PIK3R5: variants seen among roughly 807,000 people sequenced by gnomAD.
The protein encoded by PIK3R5 is phosphoinositide 3-kinase regulatory subunit 5.
Under a neutral mutation model 94.9 loss-of-function variants are expected in PIK3R5, and 32 were observed. The ratio of observed to expected loss-of-function variants is 0.34; its 90% CI spans 0.25 to 0.45. PIK3R5 has a LOEUF of 0.45. PIK3R5 is among the 20% of genes least tolerant of loss of function. The pLI, the probability that PIK3R5 is intolerant of heterozygous loss-of-function variation, is 1.00. For synonymous variants in PIK3R5, 443 were observed against 479.4 expected (o/e 0.92, Z 0.99); for missense variants, 853 against 1,144.6 (o/e 0.75, Z 3.68).
chr17:8,926,285 A>C (rs2090882744), intron 1 of PIK3R5, among the ~76,000 whole-genome samples: 1 of 152,170 alleles, frequency 6.6e-6, no homozygotes, highest in Admixed American at 6.5e-5. Context: ...GAAGTGACAG[A>C]GAGGCAACTG....
intron 3 of PIK3R5, among the ~76,000 whole-genome samples, chr17:8,908,149 T>C (rs2090435291): frequency 6.6e-6 from 1 of 152,186 alleles, no homozygotes. Context: ...TCTCGGTCCA[T>C]TTTGGAACTC....
rs1273569046 is a variant in PIK3R5 at position 8,880,097 on chromosome 17, TGC to T, written c.*540_*541del. On this transcript the variant is annotated 3_prime_UTR_variant, in exon 19 of 19. Coordinates refer to ENST00000447110, the MANE Select transcript of PIK3R5 (RefSeq NM_001142633.3). ...TTATTGAGGTGTGTGCGTGTGTGTG[TGC>T]GCATGTGCGTACATGCATGCCATGT... The T allele has an allele frequency of 2.0e-5, 3 of 152,550 alleles. No individual in the cohort carries two copies. Among genetic ancestry groups the T allele is most frequent in the Non-Finnish European group, 4.4e-5 (3 of 68,228 alleles). The allele number at this position is 152,550 out of a possible 1,614,324, so 9.4% of individuals were successfully genotyped here.
intron 5 of PIK3R5, among the ~76,000 whole-genome samples, chr17:8,899,930 C>T (rs547101137): frequency 2.6e-5 from 4 of 151,910 alleles, no homozygotes; most frequent in South Asian, 2.1e-4. Flanking sequence ...CCCAGCTACT[C>T]GGGAAGCTGA....
At chr17:8,930,651 G>T (rs1177675625) in intron 1 of PIK3R5, among the ~76,000 whole-genome samples, 1 of 152,216 alleles carries the variant, frequency 6.6e-6, no homozygotes, top group Non-Finnish European at 1.5e-5. Context: ...TGGTTCGACA[G>T]ACTATGGTCC....
At chr17:8,903,207 T>C (rs1349948643) in intron 5 of PIK3R5, among the ~76,000 whole-genome samples, 1 of 152,186 alleles carries the variant, frequency 6.6e-6, no homozygotes, top group Non-Finnish European at 1.5e-5. Context: ...ATATCATCTA[T>C]GAAATGACTG....
chr17:8,940,925 C>T (rs1332323039), intron 1 of PIK3R5, among the ~76,000 whole-genome samples: 1 of 152,286 alleles, frequency 6.6e-6, no homozygotes, highest in East Asian at 1.9e-4. Flanking sequence ...AGTGTGGACC[C>T]AGACCTCCTC....
chr17:8,946,438 G>A (rs192384128), intron 1 of PIK3R5, among the ~76,000 whole-genome samples: 8 of 151,828 alleles, frequency 5.3e-5, no homozygotes, highest in East Asian at 1.9e-4. Context: ...AGGAGATGGC[G>A]CCGTCTGCCA....
rs1185052773 is a variant in PIK3R5, at chr17:8,887,689, A to G, written c.1617-6T>C. On this transcript the variant is annotated splice_region_variant and splice_polypyrimidine_tract_variant and intron_variant, in intron 10 of 18. Coordinates refer to ENST00000447110, the MANE Select transcript of PIK3R5 (RefSeq NM_001142633.3). ...GGCGATTGTTCTCCAGCCGCCTGGC[A>G]AGAAGAAGATGGTGAGAAGGGGAAT... 1 of 1,586,170 alleles carries G rather than the reference A, an allele frequency of 6.3e-7. No homozygotes were observed. Among genetic ancestry groups the G allele is most frequent in the South Asian group, 1.1e-5 (1 of 87,282 alleles).
In PIK3R5 at chr17:8,884,320, A is replaced by G. The variant is rs181083824; in HGVS notation, c.2205+387T>C. 8.6e-5 allele frequency among the ~76,000 whole-genome samples: 13 copies of G among 151,554 alleles called. No individual in the cohort carries two copies. The highest frequency in any genetic ancestry group is 1.5e-4 in the African/African-American group (6 of 41,310). On this transcript the variant is annotated intron_variant, in intron 15 of 18. Coordinates refer to ENST00000447110, the MANE Select transcript of PIK3R5 (RefSeq NM_001142633.3). This position sits in a 1 kb window ranked among gnomAD's most constrained non-coding sequence, Gnocchi z 5.8. ...CTCTCCTCACTCCTTTCTCACGCCA[A>G]TCCCATCTTGCATGCAGCCTGCCAG...
At chr17:8,901,627 C>G (rs1402833300) in intron 5 of PIK3R5, among the ~76,000 whole-genome samples, 3 of 152,150 alleles carry the variant, frequency 2.0e-5, no homozygotes, top group Non-Finnish European at 4.4e-5. Context: ...GAATTAAACG[C>G]TGCCAGTACT....
intron 1 of PIK3R5, among the ~76,000 whole-genome samples, chr17:8,962,454 AC>A (rs2091583505): frequency 6.6e-6 from 1 of 152,262 alleles, no homozygotes; most frequent in Non-Finnish European, 1.5e-5. Context: ...TTCTTTTAAA[AC>A]ATAATACAAT....
At chr17:8,908,370 G>T (rs1283539678) in intron 3 of PIK3R5, among the ~76,000 whole-genome samples, 1 of 152,094 alleles carries the variant, frequency 6.6e-6, no homozygotes, top group Non-Finnish European at 1.5e-5. Context: ...CGCTCCAGAG[G>T]TGGTTCAGCT....
chr17:8,887,352 C>A, intron 11 of PIK3R5, 131 bp from the exon 12 acceptor site: 1 of 1,381,092 alleles, frequency 7.2e-7, no homozygotes, highest in Admixed American at 2.2e-5. Context: ...TGACAACTTT[C>A]AGTCTTTGTC....
intron 1 of PIK3R5, among the ~76,000 whole-genome samples, chr17:8,934,466 T>C (rs1175727453): frequency 1.3e-5 from 2 of 152,218 alleles, no homozygotes; most frequent in Non-Finnish European, 2.9e-5. Flanking sequence ...AGACTCAATA[T>C]TGATATTATG....
At chr17:8,949,561 G>A (rs952086791) in intron 1 of PIK3R5, among the ~76,000 whole-genome samples, 5 of 150,078 alleles carry the variant, frequency 3.3e-5, no homozygotes, top group African/African-American at 5.0e-5. Flanking sequence ...AAATGTTGTC[G>A]TCATCGTGAG....
At chr17:8,907,045 GA>G in intron 3 of PIK3R5, among the ~76,000 whole-genome samples, 1 of 152,082 alleles carries the variant, frequency 6.6e-6, no homozygotes, top group East Asian at 1.9e-4. Flanking sequence ...TCTTTTTTGA[GA>G]TGGAGTCTCG....
rs1026303857 is a variant in PIK3R5, at chr17:8,896,054, A to C, written c.413-2399T>G. 2.6e-5 allele frequency among the ~76,000 whole-genome samples: 4 copies of C among 152,160 alleles called. No homozygotes were observed. In the South Asian group the frequency reaches 8.3e-4, roughly 32 times the overall value. The stretch of plus-strand genomic sequence containing the variant: ...GCCTGAGCTGGGAACACATTAGAAA[A>C]GACTGTGCAATGTGGAGGAGGCTTT... On this transcript the variant is annotated intron_variant, in intron 5 of 18. Coordinates refer to ENST00000447110, the MANE Select transcript of PIK3R5 (RefSeq NM_001142633.3). This position sits in a 1 kb window ranked among gnomAD's most constrained non-coding sequence, Gnocchi z 4.0.
At position 8,896,901 on chromosome 17, in the gene PIK3R5, C is replaced by T. The variant is rs868580313; in HGVS notation, c.413-3246G>A. 1.1e-4 allele frequency among the ~76,000 whole-genome samples: 16 copies of T among 152,312 alleles called. No individual in the cohort carries two copies. Among genetic ancestry groups the T allele is most frequent in the South Asian group, 8.3e-4 (4 of 4,822 alleles). The stretch of plus-strand genomic sequence containing the variant: ...GGGTGGAAGCAGAGCCCGGCCCCAA[C>T]GGCATTGCAATCTCCAAATGAGACT... On this transcript the variant is annotated intron_variant, in intron 5 of 18. Coordinates refer to ENST00000447110, the MANE Select transcript of PIK3R5 (RefSeq NM_001142633.3). This position sits in a 1 kb window ranked among gnomAD's most constrained non-coding sequence, Gnocchi z 4.0.
At chr17:8,929,558 G>T (rs1437763367) in intron 1 of PIK3R5, among the ~76,000 whole-genome samples, 1 of 152,128 alleles carries the variant, frequency 6.6e-6, no homozygotes, top group East Asian at 1.9e-4. Context: ...AAAACTGAGA[G>T]AACAGAAAGA....
Sources: allele counts gnomAD v4.1 joint callset (sites outside exome capture counted in the v4.1 genomes callset), GRCh38; gene constraint gnomAD v4.1.1; non-coding constraint Gnocchi (gnomAD v3.1); transcripts MANE v1.5; gene names NCBI Gene and HGNC (gene_info 2026-07-23, HGNC 2026-07-21).